The following TRDN variants were observed in gnomAD, a reference collection of about 807,000 sequenced individuals.
TRDN encodes triadin.
Under a neutral mutation model 149.7 loss-of-function variants are expected in TRDN, and 161 were observed. The ratio of observed to expected loss-of-function variants is 1.08; its 90% CI spans 0.95 to 1.23. The LOEUF (loss-of-function observed/expected upper bound fraction) is 1.23. TRDN is among the 50% of genes most tolerant of loss of function. The pLI is 0.00. For synonymous variants in TRDN, 294 were observed against 250.5 expected (o/e 1.17, Z -1.64); for missense variants, 896 against 823.5 (o/e 1.09, Z -1.08).
Position 123,616,992 on chromosome 6 carries a change from T to C in TRDN, c.22+19762A>G, listed in dbSNP as rs370034669. On this transcript the variant is annotated intron_variant, in intron 1 of 40. Transcript: ENST00000334268. ...ATGGTGCAAATATAAAAGAAAGACATATTTATTTGAGTTTGAACAACAGAG... is the reference window on the plus strand; with the variant it reads ...ATGGTGCAAATATAAAAGAAAGACACATTTATTTGAGTTTGAACAACAGAG... 3.3e-4 allele frequency among the ~76,000 whole-genome samples: 51 copies of C among 152,258 alleles called. 1 individual carries two copies. The South Asian group carries it at 9.7e-3, about 29-fold the overall frequency.
Position 123,561,184 on chromosome 6 carries a change from T to A in TRDN, c.232+9739A>T, listed in dbSNP as rs140717363. Among the ~76,000 whole-genome samples the A allele has an allele frequency of 1.3e-3, 192 of 152,288 alleles. 1 individual carries two copies. The highest frequency in any genetic ancestry group is 4.4e-3 in the African/African-American group (181 of 41,556). On this transcript the variant is annotated intron_variant, in intron 2 of 40. Transcript: ENST00000334268. The stretch of plus-strand genomic sequence containing the variant: ...TTCCTCGGTTTGGCCTTCCCATATC[T>A]ATACAGTCCGATAGTGGACTGGTCT...
At position 123,354,210 on chromosome 6, in the gene TRDN, G is replaced by A. The variant is rs887037506; in HGVS notation, c.1322-1624C>T. ...TGTCCTAGAAGAAGAAGCAATGAAT[G>A]TTTTAGAGTGCACAGTCCAGTTTTG... On this transcript the variant is annotated intron_variant, in intron 20 of 40. Transcript: ENST00000334268. Among the ~76,000 whole-genome samples, 14 of 151,920 alleles carry A rather than the reference G, an allele frequency of 9.2e-5. No individual in the cohort carries two copies. In the East Asian group the frequency reaches 2.7e-3, roughly 29 times the overall value.
intron 2 of TRDN, among the ~76,000 whole-genome samples, chr6:123,551,000 C>A (rs1397987732): frequency 6.6e-6 from 1 of 151,514 alleles, no homozygotes; most frequent in Admixed American, 6.6e-5. Flanking sequence ...GTTCTGGCAC[C>A]ATTAAAGGCA....
intron 12 of TRDN, among the ~76,000 whole-genome samples, chr6:123,404,724 C>T (rs1284394338): frequency 6.6e-6 from 1 of 152,198 alleles, no homozygotes; most frequent in Admixed American, 6.5e-5. Flanking sequence ...GGATTACAGG[C>T]GTGAGCCACT....
At chr6:123,503,427 C>G in intron 8 of TRDN, 1 of 985,268 alleles carries the variant, frequency 1.0e-6, no homozygotes, top group Non-Finnish European at 1.2e-6. Flanking sequence ...TTCCATATCT[C>G]AAAAATTCAA....
chr6:123,507,898 CAT>C (rs1409921644), intron 7 of TRDN, among the ~76,000 whole-genome samples: 10 of 152,116 alleles, frequency 6.6e-5, no homozygotes, highest in Admixed American at 5.9e-4. Flanking sequence ...ACATACTACA[CAT>C]GTTGGGAGTT....
intron 24 of TRDN, among the ~76,000 whole-genome samples, chr6:123,280,839 T>C (rs977590638): frequency 1.3e-5 from 2 of 152,092 alleles, no homozygotes; most frequent in Non-Finnish European, 2.9e-5. Flanking sequence ...CCTTCTTTTC[T>C]ACATTGTGAG....
chr6:123,627,089 C>T (rs892905121), intron 1 of TRDN, among the ~76,000 whole-genome samples: 7 of 152,010 alleles, frequency 4.6e-5, no homozygotes, highest in Non-Finnish European at 8.8e-5. Flanking sequence ...CCACCACGCC[C>T]AGCTGATTTT....
chr6:123,609,846 C>T (rs1784708666), intron 1 of TRDN, among the ~76,000 whole-genome samples: 1 of 152,078 alleles, frequency 6.6e-6, no homozygotes, highest in Admixed American at 6.6e-5. Context: ...CCTGTCTTTC[C>T]ACCCTACCAG....
At chr6:123,414,336 C>G (rs531489217) in intron 12 of TRDN, among the ~76,000 whole-genome samples, 2 of 151,952 alleles carry the variant, frequency 1.3e-5, no homozygotes, top group Non-Finnish European at 2.9e-5. Flanking sequence ...TTAACGAGAA[C>G]GTACTCCATA....
intron 26 of TRDN, among the ~76,000 whole-genome samples, chr6:123,275,560 T>C (rs2114620713): frequency 6.6e-6 from 1 of 152,320 alleles, no homozygotes; most frequent in Middle Eastern, 3.4e-3. Context: ...CAATTTGTGA[T>C]ATTTTATTGT....
intron 35 of TRDN, among the ~76,000 whole-genome samples, chr6:123,258,901 C>G (rs546638140): frequency 1.3e-5 from 2 of 152,096 alleles, no homozygotes; most frequent in Non-Finnish European, 2.9e-5. Flanking sequence ...TCCATTTCTT[C>G]TAGATTTTCT....
At position 123,224,126 on chromosome 6, in the gene TRDN, C is replaced by T. The variant is rs771078475; in HGVS notation, c.1981G>A (p.Val661Ile). 3.1e-6 allele frequency: 5 copies of T among 1,610,218 alleles called. No homozygotes were observed. Among genetic ancestry groups the T allele is most frequent in the East Asian group, 4.5e-5 (2 of 44,750 alleles). Reference sequence around the variant, plus strand: ...TTCTTTGAAGCTGGTACATCTTCAACATCTTCTAGAGTACAGAAAAAAGGC... The same window carrying T: ...TTCTTTGAAGCTGGTACATCTTCAATATCTTCTAGAGTACAGAAAAAAGGC... ...AEKPARVSKD[V>I]EDVPASKKAK... Residue 661 changes from valine (V) to isoleucine (I), a missense_variant, in exon 39 of 41, where the codon GTT becomes ATT. Val to Ile is a conservative substitution (Grantham distance 29). Transcript: ENST00000334268.
chr6:123,443,038 T>C (rs894552845), intron 10 of TRDN, among the ~76,000 whole-genome samples: 4 of 152,090 alleles, frequency 2.6e-5, no homozygotes, highest in Non-Finnish European at 5.9e-5. Flanking sequence ...GTTTATTCCT[T>C]ATTTACCAAG....
chr6:123,328,338 T>C (rs1446535578), intron 23 of TRDN, among the ~76,000 whole-genome samples: 1 of 152,234 alleles, frequency 6.6e-6, no homozygotes, highest in Non-Finnish European at 1.5e-5. Flanking sequence ...GTACTGAAGA[T>C]GGCAGAGGCC....
At chr6:123,288,982 C>G (rs577523645) in intron 24 of TRDN, among the ~76,000 whole-genome samples, 5 of 150,180 alleles carry the variant, frequency 3.3e-5, no homozygotes, top group African/African-American at 9.8e-5. Flanking sequence ...TACTAAGTGT[C>G]CATCAACAAA....
chr6:123,513,402 C>T (rs1419399854), intron 6 of TRDN, among the ~76,000 whole-genome samples: 1 of 152,044 alleles, frequency 6.6e-6, no homozygotes, highest in African/African-American at 2.4e-5. Flanking sequence ...ACATTTTTTT[C>T]TGCAGCACTT....
At chr6:123,411,180 G>A (rs1175412428) in intron 12 of TRDN, among the ~76,000 whole-genome samples, 2 of 151,518 alleles carry the variant, frequency 1.3e-5, no homozygotes, top group Admixed American at 6.6e-5. Flanking sequence ...ACGAGTAGCT[G>A]GGGTTACAGG....
At chr6:123,352,489 T>C (rs1353390643) in intron 21 of TRDN, 50 bp downstream of exon 21, 9 of 1,604,648 alleles carry the variant, frequency 5.6e-6, no homozygotes, top group Non-Finnish European at 6.8e-6. Context: ...CCTCCGCATG[T>C]TGTTGTCTTT....
Sources: allele counts gnomAD v4.1 joint callset (sites outside exome capture counted in the v4.1 genomes callset), GRCh38; gene constraint gnomAD v4.1.1; transcripts MANE v1.5; gene names NCBI Gene and HGNC (gene_info 2026-07-23, HGNC 2026-07-21).